MARCHF1: variants seen among roughly 807,000 people sequenced by gnomAD.
MARCHF1 encodes the protein membrane associated ring-CH-type finger 1.
MARCHF1 carries 40 observed loss-of-function variants against 54.2 expected under a neutral mutation model. The observed-to-expected ratio is 0.74, with a 90% CI of 0.57 to 0.96. MARCHF1 has a LOEUF of 0.96. MARCHF1 is among the 40% of genes least tolerant of loss of function. The pLI, the probability that MARCHF1 is intolerant of heterozygous loss-of-function variation, is 0.00. For missense variants in MARCHF1, 586 were observed against 656.5 expected, an observed-to-expected ratio of 0.89 and a Z score of 1.17; for synonymous variants, 236 against 236.3, an observed-to-expected ratio of 1.00 and a Z score of 0.01.
chr4:163,844,052 T>C (rs1275474555), intron 4 of MARCHF1, among the ~76,000 whole-genome samples: 1 of 152,026 alleles, frequency 6.6e-6, no homozygotes. Context: ...ATCATGAGGG[T>C]TTGTTGTACA....
At chr4:164,351,421 G>C (rs982800041) in intron 1 of MARCHF1, among the ~76,000 whole-genome samples, 4 of 150,492 alleles carry the variant, frequency 2.7e-5, no homozygotes, top group East Asian at 2.0e-4. Context: ...ATCTGAGAAT[G>C]GGCAGACTGC....
intron 1 of MARCHF1, chr4:164,197,259 G>A (rs1398766211): frequency 1.2e-6 from 2 of 1,611,032 alleles, no homozygotes; most frequent in South Asian, 1.1e-5. Flanking sequence ...CTGAGTAAGG[G>A]GCCTCCTTGT....
chr4:164,176,966 C>CCA lies in MARCHF1; in HGVS notation c.-322-65305_-322-65304insTG, dbSNP rs1730688881. On this transcript the variant is annotated intron_variant, in intron 1 of 9. Coordinates refer to ENST00000514618, the MANE Select transcript of MARCHF1 (RefSeq NM_001394959.1). ...GCTCTCTCTCTCTCTCTCTCTCTCTCTCTCTCTCTCTCTCTATATATATAT... is the reference window on the plus strand; with the variant it reads ...GCTCTCTCTCTCTCTCTCTCTCTCTCCATCTCTCTCTCTCTCTATATATATAT... Among the ~76,000 whole-genome samples, 44 of 46,728 alleles carry CCA rather than the reference C, an allele frequency of 9.4e-4. 1 individual carries two copies. The highest frequency in any genetic ancestry group is 2.3e-3 in the African/African-American group (22 of 9,450). The allele number at this position is 46,728 out of a possible 152,430, so 30.7% of individuals were successfully genotyped here. A position where few individuals can be genotyped will look rare whatever the true frequency, so the allele number is the denominator to read the frequency against.
chr4:163,903,465 T>C (rs7677586), intron 3 of MARCHF1, among the ~76,000 whole-genome samples: 51,934 of 152,084 alleles, frequency 0.34, 9,025 homozygotes, highest in South Asian at 0.38. Context: ...AAAGGGATCA[T>C]TATTTTAAAT....
chr4:164,230,021 T>C (rs1732373144), intron 1 of MARCHF1, among the ~76,000 whole-genome samples: 1 of 152,124 alleles, frequency 6.6e-6, no homozygotes, highest in Non-Finnish European at 1.5e-5. Context: ...TCAAGCAATC[T>C]TCCTACTTCA....
intron 3 of MARCHF1, among the ~76,000 whole-genome samples, chr4:163,919,634 A>T (rs1448617375): frequency 6.6e-6 from 1 of 152,022 alleles, no homozygotes; most frequent in Non-Finnish European, 1.5e-5. Context: ...TTTTCCTATC[A>T]TTACACCCAA....
intron 3 of MARCHF1, among the ~76,000 whole-genome samples, chr4:163,939,377 G>T (rs576652492): frequency 6.6e-6 from 1 of 152,150 alleles, no homozygotes; most frequent in Non-Finnish European, 1.5e-5. Context: ...TGATGCAGAT[G>T]ACTTATTTGA....
At chr4:163,634,201 T>C (rs1045473867) in intron 5 of MARCHF1, among the ~76,000 whole-genome samples, 1 of 151,742 alleles carries the variant, frequency 6.6e-6, no homozygotes, top group African/African-American at 2.4e-5. Context: ...ATGAGCAAAA[T>C]AACCAGCTAA....
chr4:163,619,493 T>C (rs1168136240), intron 5 of MARCHF1, among the ~76,000 whole-genome samples: 3 of 152,072 alleles, frequency 2.0e-5, no homozygotes, highest in Admixed American at 2.0e-4. Context: ...GAAATGAGGA[T>C]ACTTTTACCA....
intron 8 of MARCHF1, among the ~76,000 whole-genome samples, chr4:163,577,412 T>TA (rs1358964696): frequency 6.6e-6 from 1 of 152,060 alleles, no homozygotes; most frequent in African/African-American, 2.4e-5. Flanking sequence ...GGGCCTCTGA[T>TA]ATCCCCTGGC....
chr4:164,283,802 T>C (rs1734081740), intron 1 of MARCHF1, among the ~76,000 whole-genome samples: 1 of 148,890 alleles, frequency 6.7e-6, no homozygotes, highest in Non-Finnish European at 1.5e-5. Context: ...CAGGAGGGAG[T>C]GTATACAGAG....
intron 2 of MARCHF1, among the ~76,000 whole-genome samples, chr4:164,081,903 A>G (rs1365035513): frequency 6.6e-6 from 1 of 152,168 alleles, no homozygotes; most frequent in Non-Finnish European, 1.5e-5. Context: ...TTCTACATTA[A>G]TAGTCATCTT....
intron 2 of MARCHF1, among the ~76,000 whole-genome samples, chr4:164,010,813 C>A (rs1045323198): frequency 5.3e-5 from 8 of 152,012 alleles, no homozygotes; most frequent in African/African-American, 1.9e-4. Context: ...CCAAAGCAAT[C>A]CAGAGCAAAA....
chr4:163,851,834 G>A (rs1477399865), intron 4 of MARCHF1, among the ~76,000 whole-genome samples: 11 of 152,178 alleles, frequency 7.2e-5, no homozygotes, highest in African/African-American at 1.2e-4. Flanking sequence ...CTGTGGCCAT[G>A]TGCTTACAAA....
chr4:163,582,372 A>T (rs1740258986), intron 8 of MARCHF1, among the ~76,000 whole-genome samples: 1 of 152,236 alleles, frequency 6.6e-6, no homozygotes, highest in South Asian at 2.1e-4. Flanking sequence ...TTCACTTTAA[A>T]GATTGTCTTC....
chr4:163,762,570 T>G (rs75783229), intron 4 of MARCHF1, among the ~76,000 whole-genome samples: 2,874 of 152,250 alleles, frequency 0.019, 44 homozygotes, highest in East Asian at 0.078. Context: ...AATAAAAGGT[T>G]TTTGTATTCC....
rs1023073562 is a variant in MARCHF1 at position 163,586,533 on chromosome 4, T to A, written c.1011-604A>T. Among the ~76,000 whole-genome samples the A allele has an allele frequency of 8.5e-5, 13 of 152,220 alleles. 1 individual carries two copies. The highest frequency in any genetic ancestry group is 8.5e-4 in the Admixed American group (13 of 15,280). On this transcript the variant is annotated intron_variant, in intron 7 of 9. Transcript: ENST00000514618. ...ACCTATATTAATTGACTTTTACTTT[T>A]ATGGTCATTGCTGGACTCAAATCAT...
intron 2 of MARCHF1, among the ~76,000 whole-genome samples, chr4:164,062,620 G>T (rs565595019): frequency 6.6e-6 from 1 of 152,172 alleles, no homozygotes; most frequent in African/African-American, 2.4e-5. Flanking sequence ...CACCTCCTGG[G>T]TTCCAGCTAT....
In MARCHF1 at chr4:164,166,721, G is replaced by A. The variant is rs1162870958; in HGVS notation, c.-322-55059C>T. Among the ~76,000 whole-genome samples, 3 of 151,762 alleles carry A rather than the reference G, an allele frequency of 2.0e-5. No individual in the cohort carries two copies. In the East Asian group the frequency reaches 5.8e-4, roughly 29 times the overall value. On this transcript the variant is annotated intron_variant, in intron 1 of 9. Transcript: ENST00000514618. ...AGAAGTAAAATTATTTCTATTTACA[G>A]ATGACATGATCCTATATGTAGAAAA... is the stretch of plus-strand genomic sequence containing the variant.
Sources: allele counts gnomAD v4.1 joint callset (sites outside exome capture counted in the v4.1 genomes callset), GRCh38; gene constraint gnomAD v4.1.1; transcripts MANE v1.5; gene names NCBI Gene and HGNC (gene_info 2026-07-23, HGNC 2026-07-21).